PIEZO2: variants seen among roughly 807,000 people sequenced by gnomAD.
PIEZO2 encodes piezo type mechanosensitive ion channel component 2.
A neutral mutation model predicts 337.3 loss-of-function variants in PIEZO2; 172 were observed. The ratio of observed to expected loss-of-function variants is 0.51; its 90% CI spans 0.45 to 0.58. PIEZO2 has a LOEUF of 0.58. Among genes scored for constraint, PIEZO2 ranks in the 20% least tolerant of loss-of-function variants. PIEZO2 has a pLI of 0.00. For missense variants in PIEZO2, 3,028 were observed against 3,391.3 expected (o/e 0.89, Z 2.66); for synonymous variants, 1,251 against 1,228.5 (o/e 1.02, Z -0.38).
In PIEZO2 at chr18:10,705,662, C is replaced by G. The variant is rs1389848340; in HGVS notation, c.5673G>C (p.Glu1891Asp). 2 of 1,537,104 alleles carry G rather than the reference C, an allele frequency of 1.3e-6. No homozygotes were observed. Among genetic ancestry groups the G allele is most frequent in the East Asian group, 4.9e-5 (2 of 40,890 alleles). ...IEEVEAEQEEEAGSTAPEPRE... is the reference protein window; with the variant it reads ...IEEVEAEQEEDAGSTAPEPRE... ...TGGGCTCAGGCGCCGTGCTCCCTGC[C>G]TCCTCCTCCTGCTCAGCCTCCACCT... Residue 1891 changes from glutamate to aspartate, a missense_variant, in exon 41 of 56, where the codon GAG becomes GAC. Around this residue, in one of 5 missense-constraint regions of PIEZO2, gnomAD observed 1,925 missense variants for 2,051.9 expected, o/e 0.94. Transcript: ENST00000674853.
chr18:10,696,611 C>T (rs2035100137), intron 45 of PIEZO2, 72 bp from the exon 46 acceptor site: 1 of 1,537,704 alleles, frequency 6.5e-7, no homozygotes, highest in South Asian at 1.2e-5. Flanking sequence ...TGACCAGACA[C>T]TGCCATCATG....
intron 3 of PIEZO2, among the ~76,000 whole-genome samples, chr18:10,948,457 A>C (rs1170276682): frequency 1.3e-5 from 2 of 152,174 alleles, no homozygotes; most frequent in Non-Finnish European, 2.9e-5. Flanking sequence ...AAATAACCCT[A>C]ATGAAATTTG....
In PIEZO2 at chr18:10,863,559, T is replaced by A. The variant is rs370506003; in HGVS notation, c.493-6348A>T. Among the ~76,000 whole-genome samples the A allele has an allele frequency of 3.9e-5, 6 of 152,296 alleles. No homozygotes were observed. The East Asian group carries it at 5.8e-4, about 15-fold the overall frequency. ...AGCAGACAGTGGCCAGTTAGACCAA[T>A]GCCTAAAGGATCTGTGGAGCTTTGA... On this transcript the variant is annotated intron_variant, in intron 5 of 55. Transcript: ENST00000674853. The surrounding 1 kb of genome is among the most constrained non-coding windows in gnomAD (Gnocchi z 4.3).
rs1202870789 is a variant in PIEZO2 at position 11,031,281 on chromosome 18, G to A, written c.160+34846C>T. On this transcript the variant is annotated intron_variant, in intron 2 of 55. Coordinates refer to ENST00000674853, the MANE Select transcript of PIEZO2 (RefSeq NM_001378183.1). This position sits in a 1 kb window ranked among gnomAD's most constrained non-coding sequence, Gnocchi z 4.7. The stretch of plus-strand genomic sequence containing the variant: ...CCCAAAGTGCTGGGATTACAGGCGT[G>A]AGCCACTGCGCCTGGCCTGGAATTT... 2.0e-5 allele frequency among the ~76,000 whole-genome samples: 3 copies of A among 151,828 alleles called. No individual in the cohort carries two copies. The East Asian group carries it at 5.8e-4, about 30-fold the overall frequency.
At chr18:10,955,395 C>T (rs1360397556) in intron 3 of PIEZO2, among the ~76,000 whole-genome samples, 1 of 152,140 alleles carries the variant, frequency 6.6e-6, no homozygotes, top group Admixed American at 6.5e-5. Context: ...TGTTTTCTTT[C>T]TTGGTTACCT....
intron 32 of PIEZO2, among the ~76,000 whole-genome samples, chr18:10,741,997 C>CAA (rs60777999): frequency 1.3e-5 from 2 of 151,184 alleles, no homozygotes; most frequent in Non-Finnish European, 3.0e-5. Flanking sequence ...ACTAAAAATA[C>CAA]AAAAAAAATT....
chr18:11,089,947 C>G (rs901304234), intron 1 of PIEZO2, among the ~76,000 whole-genome samples: 1 of 152,200 alleles, frequency 6.6e-6, no homozygotes, highest in African/African-American at 2.4e-5. Flanking sequence ...TCTAATTCCT[C>G]TTCTCCTTAC....
chr18:10,744,038 A>G, intron 31 of PIEZO2, 104 bp downstream of exon 31: 1 of 733,946 alleles, frequency 1.4e-6, no homozygotes, highest in Admixed American at 2.8e-5. Context: ...GTCCATACAT[A>G]TATATTTTTC....
At chr18:10,884,736 T>C (rs2042524524) in intron 4 of PIEZO2, among the ~76,000 whole-genome samples, 1 of 152,080 alleles carries the variant, frequency 6.6e-6, no homozygotes, top group East Asian at 1.9e-4. Flanking sequence ...TTAAGAAAAA[T>C]GAACTAAAAT....
Position 10,773,695 on chromosome 18 carries a change from A to C in PIEZO2, c.2568-66T>G. 6.4e-6 allele frequency: 9 copies of C among 1,413,128 alleles called. No individual in the cohort carries two copies. Among genetic ancestry groups the C allele is most frequent in the Non-Finnish European group, 8.7e-6 (9 of 1,036,410 alleles). 87.5% of individuals were successfully genotyped at this position (1,413,128 alleles called of 1,614,324 possible). A position where few individuals can be genotyped will look rare whatever the true frequency, so the allele number is the denominator to read the frequency against. On this transcript the variant is annotated intron_variant, in intron 19 of 55. Coordinates refer to ENST00000674853, the MANE Select transcript of PIEZO2 (RefSeq NM_001378183.1). The surrounding 1 kb of genome is among the most constrained non-coding windows in gnomAD (Gnocchi z 5.3). The stretch of plus-strand genomic sequence containing the variant: ...TTGGGAGAGATTTGACTGAGGGGCA[A>C]GTAAAAGGAGGATAAACACAAATGA...
intron 34 of PIEZO2, among the ~76,000 whole-genome samples, chr18:10,736,286 T>C (rs1283597525): frequency 2.3e-5 from 1 of 43,822 alleles, no homozygotes; most frequent in South Asian, 5.2e-4. Context: ...CAGAGAAGTC[T>C]TTTTCACTTT....
At chr18:11,095,076 AG>A (rs2039224917) in intron 1 of PIEZO2, among the ~76,000 whole-genome samples, 1 of 152,264 alleles carries the variant, frequency 6.6e-6, no homozygotes, top group African/African-American at 2.4e-5. Context: ...CATTCCTGCC[AG>A]GGAGACACTG....
rs575456997 is a variant in PIEZO2 at position 11,047,617 on chromosome 18, A to C, written c.160+18510T>G. Among the ~76,000 whole-genome samples, 36 of 152,014 alleles carry C rather than the reference A, an allele frequency of 2.4e-4. No individual in the cohort carries two copies. Among genetic ancestry groups the C allele is most frequent in the African/African-American group, 8.2e-4 (34 of 41,440 alleles). ...CAGCCATGAGCTTTCAGACACCAAC[A>C]CTCCAGGCAATAGGGAGAATCGAAG... On this transcript the variant is annotated intron_variant, in intron 2 of 55. Transcript: ENST00000674853. This position sits in a 1 kb window ranked among gnomAD's most constrained non-coding sequence, Gnocchi z 7.2.
At chr18:10,865,891 G>A (rs1253513132) in intron 5 of PIEZO2, among the ~76,000 whole-genome samples, 1 of 152,084 alleles carries the variant, frequency 6.6e-6, no homozygotes, top group East Asian at 1.9e-4. Context: ...CTCTGCAATT[G>A]CCTCACACAA....
chr18:10,914,726 T>C (rs530849508), intron 3 of PIEZO2, among the ~76,000 whole-genome samples: 1 of 152,276 alleles, frequency 6.6e-6, no homozygotes, highest in Non-Finnish European at 1.5e-5. Context: ...TTAGAAATAA[T>C]GAACTGTGAT....
intron 3 of PIEZO2, among the ~76,000 whole-genome samples, chr18:10,975,873 T>C (rs537666080): frequency 6.6e-6 from 1 of 152,346 alleles, no homozygotes; most frequent in African/African-American, 2.4e-5. Context: ...TTTACCAATG[T>C]CTTGAACATA....
At chr18:10,742,646 A>C (rs747774160) in intron 31 of PIEZO2, 31 bp from the exon 32 acceptor site, 127 of 1,535,612 alleles carry the variant, frequency 8.3e-5, no homozygotes, top group Non-Finnish European at 1.0e-4. Context: ...AGTAATGCCA[A>C]GAACATATTC....
chr18:10,698,655 T>C (rs2035203435), intron 44 of PIEZO2, among the ~76,000 whole-genome samples: 1 of 152,220 alleles, frequency 6.6e-6, no homozygotes, highest in Admixed American at 6.5e-5. Flanking sequence ...CTGGCGTTTA[T>C]TAGGTACAAG....
intron 1 of PIEZO2, among the ~76,000 whole-genome samples, chr18:11,135,942 A>T (rs2040470803): frequency 6.6e-6 from 1 of 152,226 alleles, no homozygotes; most frequent in Non-Finnish European, 1.5e-5. Flanking sequence ...ATAGATAACC[A>T]ACTGGTGTCA....
Sources: allele counts gnomAD v4.1 joint callset (sites outside exome capture counted in the v4.1 genomes callset), GRCh38; gene constraint gnomAD v4.1.1; regional missense constraint gnomAD v4.1.1; non-coding constraint Gnocchi (gnomAD v3.1); transcripts MANE v1.5; gene names NCBI Gene and HGNC (gene_info 2026-07-23, HGNC 2026-07-21).